Variants in KDM4B observed in about 807,000 individuals in gnomAD.
KDM4B encodes lysine-specific demethylase 4B.
KDM4B carries 32 observed loss-of-function variants against 125.2 expected under a neutral mutation model. The ratio of observed to expected loss-of-function variants is 0.26; its 90% CI spans 0.19 to 0.34. KDM4B has a LOEUF of 0.34. Among genes scored for constraint, KDM4B ranks in the 10% least tolerant of loss-of-function variants. KDM4B has a pLI of 1.00. For missense variants in KDM4B, 1,190 were observed against 1,577.7 expected, an observed-to-expected ratio of 0.75 and a Z score of 4.16; for synonymous variants, 721 against 677.9, an observed-to-expected ratio of 1.06 and a Z score of -0.99.
At chr19:4,989,583 C>T (rs576308271) in intron 1 of KDM4B, among the ~76,000 whole-genome samples, 8 of 152,086 alleles carry the variant, frequency 5.3e-5, no homozygotes, top group South Asian at 4.1e-4. Flanking sequence ...TCAGGTGATC[C>T]GCCTGCCTCA....
chr19:5,143,942 C>T (rs1321333374), intron 18 of KDM4B, 25 bp from the exon 19 acceptor site: 5 of 1,555,822 alleles, frequency 3.2e-6, no homozygotes, highest in Admixed American at 1.8e-5. Context: ...GAGCCCCATG[C>T]CCCTGCCTGT....
chr19:4,978,364 G>A (rs1407667668), intron 1 of KDM4B, among the ~76,000 whole-genome samples: 3 of 151,736 alleles, frequency 2.0e-5, no homozygotes, highest in Non-Finnish European at 4.4e-5. Context: ...AAACTTAGCC[G>A]GGCGCGGTGG....
chr19:5,029,493 G>A (rs1388277505), intron 2 of KDM4B, among the ~76,000 whole-genome samples: 1 of 152,192 alleles, frequency 6.6e-6, no homozygotes, highest in Non-Finnish European at 1.5e-5. Flanking sequence ...GACCATTTTA[G>A]TTTTCTCTGT....
intron 1 of KDM4B, among the ~76,000 whole-genome samples, chr19:4,985,528 G>T (rs2034797376): frequency 1.3e-5 from 2 of 152,268 alleles, no homozygotes; most frequent in East Asian, 3.9e-4. Context: ...CTGTGATGCT[G>T]CTGGGTGACA....
chr19:5,130,941 C>G, intron 11 of KDM4B, 135 bp from the exon 12 acceptor site: 1 of 658,416 alleles, frequency 1.5e-6, no homozygotes, highest in Non-Finnish European at 2.5e-6. Flanking sequence ...TCTCTGCCCA[C>G]CCATGTTCGT....
chr19:4,983,003 G>A (rs2034698267), intron 1 of KDM4B, among the ~76,000 whole-genome samples: 1 of 152,180 alleles, frequency 6.6e-6, no homozygotes, highest in African/African-American at 2.4e-5. Flanking sequence ...GTTAAAAGGT[G>A]AAGAGAAATG....
chr19:5,144,263 G>A lies in KDM4B; in HGVS notation c.2752G>A (p.Ala918Thr). The change falls in exon 20 of 23, where the codon GCC (alanine) becomes ACC (threonine). Residue 918 changes from alanine (A) to threonine (T), a missense_variant. Ala to Thr is a moderately conservative substitution (Grantham distance 58). Around this residue, in one of 7 missense-constraint regions of KDM4B, gnomAD observed 298 missense variants for 439.7 expected, o/e 0.68. Coordinates refer to ENST00000159111, the MANE Select transcript of KDM4B (RefSeq NM_015015.3). ...SGGHAVQLLR[A>T]VSLGQVVITK... ...ACCCTCCCAGGTCCAACTCCTGAGG[G>A]CCGTGTCCCTAGGCCAGGTGGTCAT... 6.3e-7 allele frequency: 1 copy of A among 1,598,650 alleles called. No individual in the cohort carries two copies. The highest frequency in any genetic ancestry group is 1.7e-5 in the Admixed American group (1 of 58,628).
intron 12 of KDM4B, 140 bp downstream of exon 12, chr19:5,131,685 A>G: frequency 6.9e-6 from 2 of 288,072 alleles, no homozygotes; most frequent in Non-Finnish European, 5.6e-6. Context: ...TGCTGGTTTC[A>G]CAGGGAACTG....
At chr19:5,130,191 C>A (rs1289907274) in intron 11 of KDM4B, among the ~76,000 whole-genome samples, 1 of 152,166 alleles carries the variant, frequency 6.6e-6, no homozygotes, top group Admixed American at 6.5e-5. Context: ...CATCTAGGAT[C>A]ACCTCCCATT....
At chr19:4,981,582 G>A (rs1020498060) in intron 1 of KDM4B, among the ~76,000 whole-genome samples, 7 of 152,158 alleles carry the variant, frequency 4.6e-5, no homozygotes, top group African/African-American at 1.4e-4. Flanking sequence ...CGTCCCCCCA[G>A]GAGGTTAAAG....
intron 9 of KDM4B, among the ~76,000 whole-genome samples, chr19:5,092,573 C>T (rs978491870): frequency 1.3e-5 from 2 of 152,168 alleles, no homozygotes; most frequent in Admixed American, 6.5e-5. Context: ...CCTTTGCCAG[C>T]TCGGCAGCCC....
intron 1 of KDM4B, among the ~76,000 whole-genome samples, chr19:5,000,025 C>T (rs2035328234): frequency 7.7e-6 from 1 of 129,846 alleles, no homozygotes; most frequent in Admixed American, 7.7e-5. Flanking sequence ...ATCTATCCAT[C>T]CATCCATCCA....
At chr19:5,137,806 G>A (rs765524424) in intron 17 of KDM4B, 130 bp downstream of exon 17, 1 of 1,053,772 alleles carries the variant, frequency 9.5e-7, no homozygotes, top group Non-Finnish European at 1.4e-6. Flanking sequence ...TGTCATGGAT[G>A]GGGTGGCCAG....
intron 2 of KDM4B, among the ~76,000 whole-genome samples, chr19:5,026,985 G>A (rs1202960597): frequency 1.3e-5 from 2 of 152,192 alleles, no homozygotes; most frequent in African/African-American, 4.8e-5. Context: ...TGTTGGCCTG[G>A]CTCCAGCCAG....
chr19:5,055,185 T>C (rs858414), intron 6 of KDM4B, among the ~76,000 whole-genome samples: 102,196 of 152,074 alleles, frequency 0.67, 34,628 homozygotes, highest in East Asian at 0.94. Flanking sequence ...CTCGTGATGG[T>C]GTCCCCAAGG....
At chr19:5,088,485 A>G (rs1232664703) in intron 9 of KDM4B, among the ~76,000 whole-genome samples, 2 of 152,046 alleles carry the variant, frequency 1.3e-5, no homozygotes, top group Non-Finnish European at 2.9e-5. Context: ...TTCCATCTAG[A>G]GCAGAGGTCG....
At chr19:5,046,151 G>C (rs2037018449) in intron 5 of KDM4B, among the ~76,000 whole-genome samples, 1 of 152,234 alleles carries the variant, frequency 6.6e-6, no homozygotes, top group African/African-American at 2.4e-5. Flanking sequence ...GATGACCCGG[G>C]AGGGACTCTG....
intron 21 of KDM4B, among the ~76,000 whole-genome samples, chr19:5,146,864 C>T (rs1373862662): frequency 2.2e-5 from 3 of 138,940 alleles, no homozygotes; most frequent in Admixed American, 1.6e-4. Flanking sequence ...TCGCTTGAAC[C>T]CAGGAGGTCG....
At chr19:5,128,962 C>G (rs1162041617) in intron 11 of KDM4B, among the ~76,000 whole-genome samples, 1 of 152,130 alleles carries the variant, frequency 6.6e-6, no homozygotes, top group African/African-American at 2.4e-5. Context: ...TCCAGGCTCC[C>G]CTGCCGGGGT....
Sources: gnomAD v4.1 joint callset for allele counts (sites outside exome capture counted in the v4.1 genomes callset) on GRCh38, gnomAD v4.1.1 for gene constraint, gnomAD v4.1.1 regional missense constraint, MANE v1.5 for transcripts, NCBI Gene and HGNC (gene_info 2026-07-23, HGNC 2026-07-21) for gene names.